The following PRKCH variants were observed in gnomAD, a reference collection of about 807,000 sequenced individuals.
The protein encoded by PRKCH is protein kinase C eta, also known as protein kinase C eta type.
Under a neutral mutation model 82.5 loss-of-function variants are expected in PRKCH, and 28 were observed. The observed-to-expected ratio is 0.34, with a 90% CI of 0.25 to 0.47. The LOEUF (loss-of-function observed/expected upper bound fraction) is 0.47. PRKCH is among the 20% of genes least tolerant of loss of function. The probability of loss-of-function intolerance (pLI) is 1.00; values close to 1 mark genes in which losing one functional copy is unlikely to be tolerated. For synonymous variants in PRKCH, 322 were observed against 327.4 expected (o/e 0.98, Z 0.18); for missense variants, 705 against 881.8 (o/e 0.80, Z 2.54).
intron 1 of PRKCH, among the ~76,000 whole-genome samples, chr14:61,325,843 T>G (rs1222024444): frequency 1.3e-5 from 2 of 152,184 alleles, no homozygotes; most frequent in African/African-American, 4.8e-5. Flanking sequence ...TCATGCCAAA[T>G]AGCACATTAA....
chr14:61,505,207 G>A (rs182604628), intron 10 of PRKCH, among the ~76,000 whole-genome samples: 1 of 152,104 alleles, frequency 6.6e-6, no homozygotes, highest in African/African-American at 2.4e-5. Flanking sequence ...TGGGTGGCTT[G>A]TAAACAACAG....
chr14:61,442,798 T>C (rs577442097), intron 2 of PRKCH: 305 of 188,048 alleles, frequency 1.6e-3, no homozygotes, highest in Non-Finnish European at 2.4e-3. Context: ...ATTAGCTGGG[T>C]ATGGTGGTGC....
intron 1 of PRKCH, among the ~76,000 whole-genome samples, chr14:61,210,089 A>C (rs1481986359): frequency 2.2e-5 from 3 of 136,556 alleles, no homozygotes; most frequent in Non-Finnish European, 4.7e-5. Flanking sequence ...CAAAAACAAA[A>C]AACAAAACAA....
chr14:61,253,383 G>A (rs1297708415), intron 1 of PRKCH, among the ~76,000 whole-genome samples: 1 of 152,204 alleles, frequency 6.6e-6, no homozygotes, highest in African/African-American at 2.4e-5. Context: ...TGAGTTTTCA[G>A]AACTCCTGGG....
intron 1 of PRKCH, among the ~76,000 whole-genome samples, chr14:61,359,781 A>G (rs924669064): frequency 6.6e-6 from 1 of 152,258 alleles, no homozygotes; most frequent in South Asian, 2.1e-4. Flanking sequence ...TTTAAATTGA[A>G]TTAAAATAAA....
intron 1 of PRKCH, among the ~76,000 whole-genome samples, chr14:61,341,767 A>G (rs571471354): frequency 7.9e-5 from 12 of 152,014 alleles, no homozygotes; most frequent in African/African-American, 2.7e-4. Flanking sequence ...CCTCTTTGGG[A>G]TTTGTATTTT....
At chr14:61,445,271 A>G (rs2140279297) in intron 3 of PRKCH, among the ~76,000 whole-genome samples, 1 of 152,384 alleles carries the variant, frequency 6.6e-6, no homozygotes, top group Non-Finnish European at 1.5e-5. Context: ...CCCCTGGGAC[A>G]GGCAGCTGCG....
intron 1 of PRKCH, among the ~76,000 whole-genome samples, chr14:61,232,500 C>T (rs557248375): frequency 1.6e-4 from 25 of 152,268 alleles, no homozygotes; most frequent in South Asian, 6.2e-4. Flanking sequence ...GGATTACAGG[C>T]GTGAGCCACC....
At chr14:61,344,722 C>G (rs2045970411) in intron 1 of PRKCH, among the ~76,000 whole-genome samples, 1 of 152,104 alleles carries the variant, frequency 6.6e-6, no homozygotes, top group Admixed American at 6.5e-5. Context: ...AATCCTGACC[C>G]TGCTGATCTT....
chr14:61,528,973 C>CGTTTGT, intron 10 of PRKCH, 102 bp from the exon 11 acceptor site: 1 of 565,718 alleles, frequency 1.8e-6, no homozygotes, highest in Non-Finnish European at 2.6e-6. Context: ...TGTGGCCGCA[C>CGTTTGT]GTGTGTGTGT....
At chr14:61,456,303 C>A (rs60108845) in intron 7 of PRKCH, among the ~76,000 whole-genome samples, 2 of 152,138 alleles carry the variant, frequency 1.3e-5, no homozygotes, top group East Asian at 1.9e-4. Context: ...GAGAGCTAGA[C>A]CCTTAATTAC....
chr14:61,193,235 T>C (rs1256917620), intron 1 of PRKCH, among the ~76,000 whole-genome samples: 2 of 152,216 alleles, frequency 1.3e-5, no homozygotes, highest in Non-Finnish European at 2.9e-5. Context: ...GGAAAAAACA[T>C]GTTTGCCTTA....
chr14:61,322,293 C>G lies in PRKCH; in HGVS notation c.192C>G (p.Asn64Lys). 1 of 1,613,324 alleles carries G rather than the reference C, an allele frequency of 6.2e-7. No individual in the cohort carries two copies. The highest frequency in any genetic ancestry group is 8.5e-7 in the Non-Finnish European group (1 of 1,179,884). ...VGQTSTKQKTNKPTYNEEFCA... is the reference protein window; with the variant it reads ...VGQTSTKQKTKKPTYNEEFCA... ...AGACCAGCACCAAGCAGAAGACCAA[C>G]AAACCCACGTACAACGAGGAGTTTT... The change falls in exon 1 of 14, where the codon AAC becomes AAG. Residue 64 changes from asparagine to lysine, a missense_variant. Physicochemically the swap from Asn to Lys is moderately conservative, Grantham distance 94 (BLOSUM62 0). Transcript: ENST00000332981.
At chr14:61,190,535 A>G (rs1566774914) in intron 1 of PRKCH, among the ~76,000 whole-genome samples, 1 of 152,224 alleles carries the variant, frequency 6.6e-6, no homozygotes, top group Non-Finnish European at 1.5e-5. Context: ...AGATTATGTC[A>G]TTCCCTTTCT....
At chr14:61,399,608 T>C (rs939289600) in intron 2 of PRKCH, among the ~76,000 whole-genome samples, 3 of 152,334 alleles carry the variant, frequency 2.0e-5, no homozygotes, top group South Asian at 4.1e-4. Context: ...TCACAGTGAA[T>C]GACAAGTAGA....
intron 10 of PRKCH, chr14:61,492,442 A>G (rs948328500): frequency 2.0e-5 from 3 of 152,202 alleles, no homozygotes; most frequent in Non-Finnish European, 4.4e-5. Context: ...TCAGGTGTGA[A>G]ACGTCCAAAA....
chr14:61,418,627 C>A (rs1029642632), intron 2 of PRKCH, among the ~76,000 whole-genome samples: 3 of 152,156 alleles, frequency 2.0e-5, no homozygotes, highest in Admixed American at 2.0e-4. Flanking sequence ...GATTGGCCAG[C>A]AGTTTTTATT....
intron 1 of PRKCH, among the ~76,000 whole-genome samples, chr14:61,220,946 G>A (rs1329822798): frequency 6.6e-6 from 1 of 152,156 alleles, no homozygotes; most frequent in Non-Finnish European, 1.5e-5. Context: ...AAGGGGAAGG[G>A]TTGGCAGAAT....
intron 1 of PRKCH, among the ~76,000 whole-genome samples, chr14:61,370,390 G>T (rs2140172354): frequency 6.6e-6 from 1 of 152,234 alleles, no homozygotes; most frequent in South Asian, 2.1e-4. Context: ...GTCACCTGGA[G>T]TTTGTTAAGT....
Sources: allele counts gnomAD v4.1 joint callset (sites outside exome capture counted in the v4.1 genomes callset), GRCh38; gene constraint gnomAD v4.1.1; transcripts MANE v1.5; gene names NCBI Gene and HGNC (gene_info 2026-07-23, HGNC 2026-07-21).